Variants in PODN observed in about 807,000 individuals in gnomAD.
The protein encoded by PODN is podocan proteoglycan.
A neutral mutation model predicts 52.7 loss-of-function variants in PODN; 40 were observed. That is an observed-to-expected ratio of 0.76 (90% CI 0.59 to 0.99). The LOEUF (loss-of-function observed/expected upper bound fraction) is 0.99, where lower values mean the gene tolerates loss of function less well. Ranked by LOEUF, PODN falls within the 50% of genes least tolerant of loss-of-function variation. The pLI is 0.00. For synonymous variants in PODN, 396 were observed against 377.9 expected, an observed-to-expected ratio of 1.05 and a Z score of -0.56; for missense variants, 720 against 815.1, an observed-to-expected ratio of 0.88 and a Z score of 1.42.
chr1:53,082,299 C>T, intron 10 of PODN, 111 bp downstream of exon 10: 1 of 1,349,908 alleles, frequency 7.4e-7, no homozygotes, highest in Non-Finnish European at 9.6e-7. Context: ...TCTGCTTCAT[C>T]CACCCATTTA....
intron 4 of PODN, 124 bp downstream of exon 4, chr1:53,074,794 A>C: frequency 1.7e-5 from 6 of 344,976 alleles, no homozygotes; most frequent in South Asian, 2.4e-5. Context: ...TGCTGCTCAG[A>C]CATGGCCCTG....
At chr1:53,074,472 G>A in intron 3 of PODN, 134 bp from the exon 4 acceptor site, 1 of 966,320 alleles carries the variant, frequency 1.0e-6, no homozygotes, top group Non-Finnish European at 1.6e-6. Context: ...CCCCCCAACT[G>A]CTTGGGAGGG....
Position 53,078,832 on chromosome 1 carries a change from G to A in PODN, c.1322G>A (p.Arg441Gln), listed in dbSNP as rs147013356. Residue 441 changes from arginine to glutamine, a missense_variant, in exon 8 of 11, where the codon CGG (arginine) becomes CAG (glutamine). Physicochemically the swap from Arg to Gln is conservative, Grantham distance 43. Transcript: ENST00000312553. ...CGCTCGCTGGACCTGTCGGGCAACC[G>A]GCTGCACACGCTGCCACCTGGGCTG... ...LLRSLDLSGN[R>Q]LHTLPPGLPR... The A allele has an allele frequency of 5.4e-4, 874 of 1,612,814 alleles. 1 individual carries two copies. Among genetic ancestry groups the A allele is most frequent in the Non-Finnish European group, 6.7e-4 (792 of 1,179,714 alleles).
At chr1:53,066,671 T>G in intron 1 of PODN, 1 of 656,580 alleles carries the variant, frequency 1.5e-6, no homozygotes, top group Non-Finnish European at 2.6e-6. Context: ...TGACGTGGGC[T>G]GGGAGCTCAG....
chr1:53,074,842 A>G (rs896364815), intron 4 of PODN, among the ~76,000 whole-genome samples, 172 bp downstream of exon 4: 1 of 152,046 alleles, frequency 6.6e-6, no homozygotes, highest in Non-Finnish European at 1.5e-5. Context: ...CATGCCTATA[A>G]CTCAGGGCAT....
intron 1 of PODN, among the ~76,000 whole-genome samples, chr1:53,064,145 C>A (rs182391498): frequency 6.6e-5 from 10 of 152,346 alleles, no homozygotes; most frequent in African/African-American, 2.4e-4. Context: ...GCAGATCATA[C>A]TGCAGATCTT....
In PODN at chr1:53,078,966, C is replaced by T. The variant is rs888314639; in HGVS notation, c.1456C>T (p.Arg486Ter). ...GCGTGAGCTGTACCTCACCAGCAAC[C>T]GACTGCGCAGCCGAGCCCTGGGCCC... ...QLRELYLTSN[R>*]LRSRALGPRA... The change falls in exon 8 of 11, where the codon CGA (arginine) becomes TGA (stop). Residue 486 changes from arginine (R) to a stop codon, truncating the protein, a stop_gained. Transcript: ENST00000312553. LOFTEE classifies it high-confidence loss of function. The T allele has an allele frequency of 1.2e-5, 19 of 1,578,762 alleles. No homozygotes were observed. The highest frequency in any genetic ancestry group is 1.5e-5 in the Non-Finnish European group (18 of 1,162,908).
At chr1:53,074,191 G>A (rs941395340) in intron 3 of PODN, among the ~76,000 whole-genome samples, 4 of 152,238 alleles carry the variant, frequency 2.6e-5, no homozygotes, top group Non-Finnish European at 5.9e-5. Context: ...CAGGTGGTGA[G>A]GAGGCCCAGA....
intron 2 of PODN, 37 bp downstream of exon 2, chr1:53,070,204 T>C (rs2275453): frequency 0.05 from 80,165 of 1,595,404 alleles, 2,638 homozygotes; most frequent in East Asian, 0.2. Context: ...ACGGGGGCTG[T>C]CCCACACACC....
rs137974177 is a variant in PODN at position 53,063,333 on chromosome 1, T to C, written c.-56+1025T>C. ...TGCTCACCCAGCGCTTGGAGTGAAT[T>C]ACTGACCTGTCTGCCCTTCGATTAC... On this transcript the variant is annotated intron_variant, in intron 1 of 10. Transcript: ENST00000312553. 7.9e-3 allele frequency: 7,825 copies of C among 984,844 alleles called. 26 individuals carry two copies. Among genetic ancestry groups the C allele is most frequent in the Non-Finnish European group, 8.9e-3 (7,357 of 829,388 alleles). The allele number at this position is 984,844 out of a possible 1,614,324, so 61.0% of individuals were successfully genotyped here.
intron 9 of PODN, 50 bp from the exon 10 acceptor site, chr1:53,081,931 G>T (rs752855372): frequency 2.6e-6 from 4 of 1,549,126 alleles, no homozygotes; most frequent in Admixed American, 3.7e-5. Flanking sequence ...GGAAGGGAGG[G>T]TTCCTTGGGG....
intron 9 of PODN, among the ~76,000 whole-genome samples, 176 bp from the exon 10 acceptor site, chr1:53,081,805 C>G (rs994559282): frequency 1.2e-4 from 18 of 152,320 alleles, no homozygotes; most frequent in African/African-American, 4.3e-4. Context: ...CTGCCCTGAC[C>G]GGCCTGTACC....
At chr1:53,063,320 G>T in intron 1 of PODN, 2 of 980,188 alleles carry the variant, frequency 2.0e-6, no homozygotes, top group Non-Finnish European at 2.4e-6. Flanking sequence ...CTCACCCAGC[G>T]CTTGGAGTGA....
In PODN at chr1:53,077,812, T is replaced by A. The variant is rs1644219503; in HGVS notation, c.854+12T>A. 2 of 1,605,652 alleles carry A rather than the reference T, an allele frequency of 1.2e-6. No homozygotes were observed. Among genetic ancestry groups the A allele is most frequent in the South Asian group, 2.2e-5 (2 of 90,778 alleles). ...AACGAGACCTTCTGGTGAGTCCTTG[T>A]CTCACCAGGTCCTTGGCGTGACCAC... On this transcript the variant is annotated intron_variant, in intron 7 of 10. Coordinates refer to ENST00000312553, the MANE Select transcript of PODN (RefSeq NM_153703.5).
At chr1:53,081,892 CCT>C (rs774507675) in intron 9 of PODN, 87 bp from the exon 10 acceptor site, 16 of 1,507,940 alleles carry the variant, frequency 1.1e-5, no homozygotes, top group Admixed American at 2.2e-5. Context: ...CATTCCCTCC[CCT>C]GTTACCTTCT....
At chr1:53,063,370 G>A in intron 1 of PODN, 6 of 985,928 alleles carry the variant, frequency 6.1e-6, no homozygotes, top group Non-Finnish European at 7.2e-6. Context: ...GGCTGGCCAG[G>A]GAAGGGGAAG....
chr1:53,082,193 G>A lies in PODN; in HGVS notation c.*27+5G>A. ...GGTGATGCAGATGTGACCTAGGTATGTGGCCTGTATGGGGCAGCACTCACT... is the reference window on the plus strand; with the variant it reads ...GGTGATGCAGATGTGACCTAGGTATATGGCCTGTATGGGGCAGCACTCACT... On this transcript the variant is annotated splice_donor_5th_base_variant and intron_variant, in intron 10 of 10. Transcript: ENST00000312553. 10 of 1,554,258 alleles carry A rather than the reference G, an allele frequency of 6.4e-6. No homozygotes were observed. The highest frequency in any genetic ancestry group is 8.7e-6 in the Non-Finnish European group (10 of 1,151,546).
At chr1:53,074,241 C>G (rs1297548617) in intron 3 of PODN, among the ~76,000 whole-genome samples, 2 of 152,224 alleles carry the variant, frequency 1.3e-5, no homozygotes, top group African/African-American at 4.8e-5. Flanking sequence ...CCTGGCCCGG[C>G]CCCCCTGCCT....
chr1:53,080,405 T>G (rs1644277774), intron 8 of PODN, among the ~76,000 whole-genome samples: 1 of 152,224 alleles, frequency 6.6e-6, no homozygotes, highest in African/African-American at 2.4e-5. Flanking sequence ...GAGATAGGAC[T>G]GTGACACCCA....
Sources: allele counts gnomAD v4.1 joint callset (sites outside exome capture counted in the v4.1 genomes callset), GRCh38; gene constraint gnomAD v4.1.1; transcripts MANE v1.5; gene names NCBI Gene and HGNC (gene_info 2026-07-23, HGNC 2026-07-21).